CALN1: variants seen among roughly 807,000 people sequenced by gnomAD.
CALN1 encodes the protein calcium-binding protein 8.
A neutral mutation model predicts 30.6 loss-of-function variants in CALN1; 17 were observed. The observed-to-expected ratio is 0.56, with a 90% confidence interval of 0.38 to 0.83. CALN1 has a LOEUF of 0.83. Ranked by LOEUF, CALN1 falls within the 40% of genes least tolerant of loss-of-function variation. CALN1 has a pLI of 0.00. For synonymous variants in CALN1, 156 were observed against 131.4 expected (o/e 1.19, Z -1.28); for missense variants, 291 against 354.9 (o/e 0.82, Z 1.45).
At chr7:72,292,137 C>G (rs1053613890) in intron 2 of CALN1, among the ~76,000 whole-genome samples, 1 of 152,024 alleles carries the variant, frequency 6.6e-6, no homozygotes, top group African/African-American at 2.4e-5. Flanking sequence ...CCATTACTTT[C>G]AATGGCAAAA....
intron 3 of CALN1, among the ~76,000 whole-genome samples, chr7:72,185,007 G>T (rs1790079302): frequency 6.6e-6 from 1 of 151,960 alleles, no homozygotes; most frequent in Non-Finnish European, 1.5e-5. Flanking sequence ...GTCTCACTGT[G>T]TTGTCCAGGC....
At chr7:72,435,562 G>A (rs1808128869) in intron 1 of CALN1, among the ~76,000 whole-genome samples, 1 of 152,172 alleles carries the variant, frequency 6.6e-6, no homozygotes, top group South Asian at 2.1e-4. Flanking sequence ...AGAGCCTCAG[G>A]CAGCACAGAA....
At chr7:72,451,212 G>GAAGAAGA (rs1562973699), upstream of CALN1, among the ~76,000 whole-genome samples, 175 of 102,094 alleles carry the variant, frequency 1.7e-3, 4 homozygotes, top group African/African-American at 9.0e-3. Flanking sequence ...GAAGAAGAAG[G>GAAGAAGA]AGGAGGAGGA....
the CALN1 span, among the ~76,000 whole-genome samples, chr7:72,474,828 C>A: frequency 6.6e-6 from 1 of 152,320 alleles, no homozygotes; most frequent in South Asian, 2.1e-4. Context: ...GTGCCCAGCA[C>A]GTGGGGCTGT....
At chr7:72,451,705 T>A (rs950316998), upstream of CALN1, among the ~76,000 whole-genome samples, 1 of 152,192 alleles carries the variant, frequency 6.6e-6, no homozygotes, top group East Asian at 1.9e-4. Context: ...TCCCCGGTGA[T>A]TGACAAGTCA....
At position 72,311,651 on chromosome 7, in the gene CALN1, ATTTTTTTTT is replaced by A. The variant is rs56197069; in HGVS notation, c.120-32850_120-32842del. ...CATGCCACCACAACGCCTGGCTGAGATTTTTTTTTTTTTTTTTTTTTTTTTTGTAGAGAT... is the reference window on the plus strand; with the variant it reads ...CATGCCACCACAACGCCTGGCTGAGATTTTTTTTTTTTTTTTTGTAGAGAT... On this transcript the variant is annotated intron_variant, in intron 2 of 6. Transcript: ENST00000395275. 3.7e-4 allele frequency among the ~76,000 whole-genome samples: 18 copies of A among 48,534 alleles called. 1 individual carries two copies. Among genetic ancestry groups the A allele is most frequent in the South Asian group, 3.1e-3 (3 of 966 alleles). 31.8% of individuals were successfully genotyped at this position (48,534 alleles called of 152,430 possible).
intron 5 of CALN1, among the ~76,000 whole-genome samples, chr7:71,864,199 CCA>C (rs1343565146): frequency 1.3e-5 from 2 of 152,102 alleles, no homozygotes; most frequent in Non-Finnish European, 2.9e-5. Flanking sequence ...CTTCAATTAC[CCA>C]CAGTCTTTTA....
At chr7:71,988,515 C>T (rs1178288141) in intron 5 of CALN1, among the ~76,000 whole-genome samples, 5 of 152,128 alleles carry the variant, frequency 3.3e-5, no homozygotes, top group Admixed American at 6.6e-5. Flanking sequence ...ATCCTTTCTC[C>T]GACACATGGC....
chr7:72,187,593 A>G (rs992567626), intron 3 of CALN1, among the ~76,000 whole-genome samples: 3 of 152,190 alleles, frequency 2.0e-5, no homozygotes, highest in African/African-American at 7.2e-5. Context: ...GAATAGTTTT[A>G]TCCCAAAACC....
chr7:71,983,176 G>C (rs571629841), intron 5 of CALN1, among the ~76,000 whole-genome samples: 1 of 152,310 alleles, frequency 6.6e-6, no homozygotes, highest in African/African-American at 2.4e-5. Context: ...CTCTCGAGAA[G>C]AGCAAGCTAT....
At chr7:72,335,592 T>G (rs1801965757) in intron 2 of CALN1, among the ~76,000 whole-genome samples, 1 of 152,226 alleles carries the variant, frequency 6.6e-6, no homozygotes, top group South Asian at 2.1e-4. Context: ...TCTCCTTTTT[T>G]GCAGAAAACC....
upstream of CALN1, among the ~76,000 whole-genome samples, chr7:72,413,055 G>A (rs1214099364): frequency 1.3e-5 from 2 of 152,178 alleles, no homozygotes; most frequent in Non-Finnish European, 2.9e-5. Flanking sequence ...GCTCACCCGG[G>A]GGGTTTGCAC....
intron 2 of CALN1, among the ~76,000 whole-genome samples, chr7:72,351,178 G>C (rs1395489455): frequency 1.3e-5 from 2 of 152,012 alleles, no homozygotes; most frequent in African/African-American, 2.4e-5. Flanking sequence ...AAAAATAAAG[G>C]TGAAATAAAG....
chr7:72,002,619 G>A (rs1014369819), intron 5 of CALN1, among the ~76,000 whole-genome samples: 3 of 152,266 alleles, frequency 2.0e-5, no homozygotes, highest in Admixed American at 6.5e-5. Flanking sequence ...GTCTTTATTT[G>A]AAGATGACAT....
intron 4 of CALN1, among the ~76,000 whole-genome samples, chr7:72,045,091 C>T (rs1802385451): frequency 6.6e-6 from 1 of 152,228 alleles, no homozygotes; most frequent in South Asian, 2.1e-4. Flanking sequence ...GACACAAAGT[C>T]ACAGCGGTCC....
intron 6 of CALN1, among the ~76,000 whole-genome samples, chr7:71,795,744 T>C (rs980376135): frequency 6.6e-6 from 1 of 151,846 alleles, no homozygotes; most frequent in Non-Finnish European, 1.5e-5. Context: ...TGACCTTTCG[T>C]GTCTGGCTTC....
At chr7:72,084,230 CA>C (rs1228234987) in intron 4 of CALN1, among the ~76,000 whole-genome samples, 2 of 151,930 alleles carry the variant, frequency 1.3e-5, no homozygotes, top group Non-Finnish European at 2.9e-5. Flanking sequence ...CAAAACAAAA[CA>C]AAACAGATTA....
At chr7:71,952,697 G>A (rs1472449057) in intron 5 of CALN1, among the ~76,000 whole-genome samples, 3 of 151,914 alleles carry the variant, frequency 2.0e-5, no homozygotes, top group African/African-American at 4.8e-5. Context: ...ACGGCCATAC[G>A]GACGCCCCAG....
intron 4 of CALN1, among the ~76,000 whole-genome samples, chr7:72,048,716 T>TC (rs1802643699): frequency 6.6e-6 from 1 of 150,724 alleles, no homozygotes; most frequent in Admixed American, 6.6e-5. Context: ...CTTTCCTTTT[T>TC]CCCTCTTCTT....
Sources: allele counts gnomAD v4.1 joint callset (sites outside exome capture counted in the v4.1 genomes callset), GRCh38; gene constraint gnomAD v4.1.1; transcripts MANE v1.5; gene names NCBI Gene and HGNC (gene_info 2026-07-23, HGNC 2026-07-21).